The following OCRL variants were observed in gnomAD, a reference collection of about 807,000 sequenced individuals.
OCRL encodes the protein OCRL inositol polyphosphate-5-phosphatase, also known as inositol polyphosphate 5-phosphatase OCRL.
Under a neutral mutation model 78.9 loss-of-function variants are expected in OCRL, and 8 were observed. The observed-to-expected ratio is 0.10, with a 90% CI of 0.06 to 0.18. The LOEUF (loss-of-function observed/expected upper bound fraction) is 0.18. Among genes scored for constraint, OCRL ranks in the 10% least tolerant of loss-of-function variants. The pLI, the probability that OCRL is intolerant of heterozygous loss-of-function variation, is 1.00. For synonymous variants in OCRL, 240 were observed against 235.4 expected, an observed-to-expected ratio of 1.02 and a Z score of -0.18; for missense variants, 454 against 696.7, an observed-to-expected ratio of 0.65 and a Z score of 3.92.
chrX:129,579,067 A>G (rs765020895), intron 18 of OCRL, among the ~76,000 whole-genome samples: 1 of 111,636 alleles, frequency 9.0e-6, no homozygotes, highest in South Asian at 3.7e-4. Flanking sequence ...TGCATTATAT[A>G]CTTACCAGTT....
intron 18 of OCRL, among the ~76,000 whole-genome samples, chrX:129,583,917 T>A (rs757220861): frequency 3.6e-5 from 4 of 110,405 alleles, no homozygotes; most frequent in Non-Finnish European, 7.6e-5. Context: ...GTGAGAAGAA[T>A]GAAAATGGAA....
At chrX:129,540,532 T>A in intron 1 of OCRL, 54 bp downstream of exon 1, 7 of 331,461 alleles carry the variant, frequency 2.1e-5, no homozygotes, top group Non-Finnish European at 3.8e-5. Flanking sequence ...GGGGTGGGGG[T>A]CGGGGGCCCT....
At chrX:129,548,539 A>G (rs1445953865) in intron 3 of OCRL, 24 bp from the exon 4 acceptor site, 3 of 1,178,859 alleles carry the variant, frequency 2.5e-6, no homozygotes, top group Non-Finnish European at 3.5e-6. Flanking sequence ...CCCTAATCCT[A>G]CTCTCTTTTT....
chrX:129,548,421 G>A (rs1018464433), intron 3 of OCRL, 142 bp from the exon 4 acceptor site: 23 of 511,999 alleles, frequency 4.5e-5, no homozygotes, highest in Non-Finnish European at 7.2e-5. Context: ...AATATTAAAC[G>A]AAAAGGGATT....
At chrX:129,575,852 TC>T in intron 16 of OCRL, 44 bp from the exon 17 acceptor site, 1 of 1,193,206 alleles carries the variant, frequency 8.4e-7, no homozygotes, top group Non-Finnish European at 1.1e-6. Flanking sequence ...CTGACTTACT[TC>T]CCCTACTAGT....
intron 1 of OCRL, 63 bp from the exon 2 acceptor site, chrX:129,540,681 C>A: frequency 1.0e-6 from 1 of 988,650 alleles, no homozygotes; most frequent in Non-Finnish European, 1.4e-6. Flanking sequence ...ACCCCCTTCG[C>A]CCCGCAGTGC....
Position 129,557,369 on chromosome X carries a change from C to T in OCRL, c.283C>T (p.Arg95Cys), listed in dbSNP as rs759942057. 2.1e-5 allele frequency: 25 copies of T among 1,209,555 alleles called. No homozygotes were observed. The highest frequency in any genetic ancestry group is 4.6e-4 in the Middle Eastern group (2 of 4,369). The change falls in exon 5 of 24, where the codon CGC (arginine) becomes TGC (cysteine). Residue 95 changes from arginine to cysteine, a missense_variant. Around this residue, in one of 2 missense-constraint regions of OCRL, gnomAD observed 177 missense variants for 179.6 expected, o/e 0.99. Transcript: ENST00000371113. ...RVQGDWIRER[R>C]FEIPDEEHCL... is the part of the protein sequence containing the mutation. ...TCAGGGGGACTGGATCAGAGAGCGC[C>T]GCTTTGAAATCCCTGATGAGGAACA...
chrX:129,587,675 G>A (rs780887597), intron 20 of OCRL, among the ~76,000 whole-genome samples: 4 of 109,836 alleles, frequency 3.6e-5, no homozygotes, highest in Non-Finnish European at 5.7e-5. Context: ...CTTCCCCAGC[G>A]TTCAGTAGTA....
At chrX:129,565,255 G>A (rs976225989) in intron 12 of OCRL, among the ~76,000 whole-genome samples, 1 of 111,605 alleles carries the variant, frequency 9.0e-6, no homozygotes, top group Non-Finnish European at 1.9e-5. Context: ...TCTCCTTCCT[G>A]CCTGTAACTT....
rs1602761855 is a variant in OCRL, at chrX:129,540,286, A to C, written c.-154A>C. On this transcript the variant is annotated 5_prime_UTR_variant, in exon 1 of 24. Transcript: ENST00000371113. ...CTCTTGGGTCAGATTCTCAGCTCCC[A>C]GCTCCCCGCTCCCGGCTCCCGGCGC... The C allele has an allele frequency of 1.7e-6, 1 of 598,177 alleles. No individual in the cohort carries two copies. Among genetic ancestry groups the C allele is most frequent in the Admixed American group, 2.7e-5 (1 of 36,497 alleles). The allele number at this position is 598,177 out of a possible 1,213,427, so 49.3% of individuals were successfully genotyped here. A position where few individuals can be genotyped will look rare whatever the true frequency, so the allele number is the denominator to read the frequency against.
intron 18 of OCRL, among the ~76,000 whole-genome samples, chrX:129,579,147 G>C (rs1602806288): frequency 9.0e-6 from 1 of 111,730 alleles, no homozygotes; most frequent in East Asian, 2.8e-4. Flanking sequence ...CATCATGACA[G>C]TACTCAAAAA....
intron 15 of OCRL, among the ~76,000 whole-genome samples, chrX:129,570,910 G>T (rs760004419): frequency 1.8e-5 from 2 of 112,520 alleles, no homozygotes; most frequent in Admixed American, 9.4e-5. Context: ...TTGAGTATGC[G>T]TGAATTTGAT....
rs767982929 is a variant in OCRL at position 129,583,039 on chromosome X, G to A, written c.2116-1305G>A. Among the ~76,000 whole-genome samples the A allele has an allele frequency of 3.6e-5, 4 of 111,890 alleles. No individual in the cohort carries two copies. The East Asian group carries it at 1.1e-3, about 31-fold the overall frequency. On this transcript the variant is annotated intron_variant, in intron 18 of 23. Transcript: ENST00000371113. ...TCACTGGGGAGGTATGAGGAACTTT[G>A]AGGAACCCAGACCTTCTGCTGGCAT...
chrX:129,540,764 G>A lies in OCRL; in HGVS notation c.60G>A (p.Met20Ile). The change falls in exon 2 of 24, where the codon ATG becomes ATA. Residue 20 changes from methionine to isoleucine, a missense_variant. Around this residue, in one of 2 missense-constraint regions of OCRL, gnomAD observed 177 missense variants for 179.6 expected, o/e 0.99. Coordinates refer to ENST00000371113, the MANE Select transcript of OCRL (RefSeq NM_000276.4). ...CGCATACTGTCGAGGGTATGGAGAT[G>A]AAGGGTCCTCTCCGGGAGCCCTGCG... ...QPLATVEGMEMKGPLREPCAL... is the reference protein window; with the variant it reads ...QPLATVEGMEIKGPLREPCAL... The A allele has an allele frequency of 1.7e-6, 2 of 1,210,364 alleles. No homozygotes were observed. The highest frequency in any genetic ancestry group is 3.5e-5 in the South Asian group (2 of 56,934).
At chrX:129,579,592 T>G (rs1171567104) in intron 18 of OCRL, among the ~76,000 whole-genome samples, 2 of 112,172 alleles carry the variant, frequency 1.8e-5, no homozygotes, top group African/African-American at 6.5e-5. Context: ...TTCCAGCCCT[T>G]TTCATAATAG....
Position 129,588,963 on chromosome X carries a change from C to A in OCRL, c.2419C>A (p.Leu807Met), listed in dbSNP as rs150777035. ...ALPEPVICYE[L>M]YQRCLDSAYD... ...GCCAGAGCCAGTCATCTGTTACGAGCTGTATCAGCGATGTCTTGACTCTGC... is the reference window on the plus strand; with the variant it reads ...GCCAGAGCCAGTCATCTGTTACGAGATGTATCAGCGATGTCTTGACTCTGC... The change falls in exon 22 of 24, where the codon CTG (leucine) becomes ATG (methionine). Residue 807 changes from leucine to methionine, a missense_variant. Transcript: ENST00000371113. 6.6e-6 allele frequency: 8 copies of A among 1,209,664 alleles called. No individual in the cohort carries two copies. In the African/African-American group the frequency reaches 1.0e-4, roughly 16 times the overall value.
At position 129,562,802 on chromosome X, in the gene OCRL, A is replaced by ACCTGTAG. The variant is rs774283904; in HGVS notation, c.1244+20_1244+26dup. On this transcript the variant is annotated intron_variant, in intron 12 of 23. Coordinates refer to ENST00000371113, the MANE Select transcript of OCRL (RefSeq NM_000276.4). ...TGAAACATGAGTAAGTGGTTAACTC[A>ACCTGTAG]CCTGTAGCCTTTGAGTAGTGGCTAC... 5 of 1,196,527 alleles carry ACCTGTAG rather than the reference A, an allele frequency of 4.2e-6. No individual in the cohort carries two copies. The African/African-American group carries it at 8.8e-5, about 21-fold the overall frequency.
chrX:129,579,019 T>C (rs1936408034), intron 18 of OCRL, among the ~76,000 whole-genome samples: 1 of 111,633 alleles, frequency 9.0e-6, no homozygotes, highest in South Asian at 3.7e-4. Flanking sequence ...GGACCAAAAG[T>C]GTTTCAGATT....
Position 129,590,696 on chromosome X carries a change from C to T in OCRL, c.*426C>T. On this transcript the variant is annotated 3_prime_UTR_variant, in exon 24 of 24. Transcript: ENST00000371113. ...AGTCCTTTGTTTTGCACTTTTGACC[C>T]ACCCCTTCCTGGATCACTCCTTTGC... is the stretch of plus-strand genomic sequence containing the variant. 5.2e-6 allele frequency: 1 copy of T among 193,742 alleles called. No homozygotes were observed. Among genetic ancestry groups the T allele is most frequent in the Non-Finnish European group, 9.6e-6 (1 of 104,363 alleles). The allele number at this position is 193,742 out of a possible 1,213,427, so 16.0% of individuals were successfully genotyped here.
Sources: gnomAD v4.1 joint callset for allele counts (sites outside exome capture counted in the v4.1 genomes callset) on GRCh38, gnomAD v4.1.1 for gene constraint, gnomAD v4.1.1 regional missense constraint, MANE v1.5 for transcripts, NCBI Gene and HGNC (gene_info 2026-07-23, HGNC 2026-07-21) for gene names.